OTUB2: variants seen among roughly 807,000 people sequenced by gnomAD.
OTUB2 encodes OTU deubiquitinase, ubiquitin aldehyde binding 2, also known as ubiquitin thioesterase OTUB2.
OTUB2 carries 21 observed loss-of-function variants against 25.1 expected under a neutral mutation model. The ratio of observed to expected loss-of-function variants is 0.84; its 90% CI spans 0.59 to 1.21. The LOEUF (loss-of-function observed/expected upper bound fraction) is 1.21, where lower values mean the gene tolerates loss of function less well. Among genes scored for constraint, OTUB2 ranks in the 50% most tolerant of loss-of-function variants. OTUB2 has a pLI of 0.00. For missense variants in OTUB2, 283 were observed against 298.0 expected (o/e 0.95, Z 0.37); for synonymous variants, 122 against 122.8 (o/e 0.99, Z 0.04).
chr14:94,031,268 G>A (rs890123690), intron 1 of OTUB2, among the ~76,000 whole-genome samples: 6 of 151,674 alleles, frequency 4.0e-5, no homozygotes, highest in Admixed American at 1.3e-4. Flanking sequence ...AGAAAACAAT[G>A]TTGAGCACTG....
intron 2 of OTUB2, 89 bp downstream of exon 2, chr14:94,037,564 T>C: frequency 1.2e-6 from 1 of 832,202 alleles, no homozygotes; most frequent in Non-Finnish European, 1.8e-6. Context: ...AGGCCGATAG[T>C]TTGGGCCAGG....
In OTUB2 at chr14:94,044,776, C is replaced by T. The variant is rs780917861; in HGVS notation, c.494C>T (p.Thr165Ile). 10 of 1,611,166 alleles carry T rather than the reference C, an allele frequency of 6.2e-6. 2 individuals carry two copies. The South Asian group carries it at 1.1e-4, about 18-fold the overall frequency. Residue 165 changes from threonine to isoleucine, a missense_variant, in exon 5 of 6, where the codon ACT becomes ATT. Transcript: ENST00000203664. ...DEEMDIKDFC[T>I]HEVEPMATEC... ...GAGATGGACATCAAAGACTTCTGCACTCACGTAGGTGCTTGGGGTCTCAGC... is the reference window on the plus strand; with the variant it reads ...GAGATGGACATCAAAGACTTCTGCATTCACGTAGGTGCTTGGGGTCTCAGC...
At position 94,046,705 on chromosome 14, in the gene OTUB2, C is replaced by A. The variant is rs187282727; in HGVS notation, c.*783C>A. ...TGGACCAGAATCTGTGTATTTCTGTCTGGGACCAGGAAGCCGCAGCTGTCC... is the reference window on the plus strand; with the variant it reads ...TGGACCAGAATCTGTGTATTTCTGTATGGGACCAGGAAGCCGCAGCTGTCC... On this transcript the variant is annotated 3_prime_UTR_variant, in exon 6 of 6. Transcript: ENST00000203664. 1 of 152,778 alleles carries A rather than the reference C, an allele frequency of 6.5e-6. No homozygotes were observed. Among genetic ancestry groups the A allele is most frequent in the Non-Finnish European group, 1.5e-5 (1 of 68,086 alleles). The allele number at this position is 152,778 out of a possible 1,614,324, so 9.5% of individuals were successfully genotyped here.
At chr14:94,045,516 C>T (rs558306062) in intron 5 of OTUB2, among the ~76,000 whole-genome samples, 200 bp from the exon 6 acceptor site, 3 of 152,136 alleles carry the variant, frequency 2.0e-5, no homozygotes, top group African/African-American at 7.2e-5. Flanking sequence ...GCAATTGTAG[C>T]GATTTCTAGC....
chr14:94,026,545 G>T lies in OTUB2; in HGVS notation c.3+5G>T. The T allele has an allele frequency of 8.0e-7, 1 of 1,247,846 alleles. No homozygotes were observed. 77.3% of individuals were successfully genotyped at this position (1,247,846 alleles called of 1,614,324 possible). A position where few individuals can be genotyped will look rare whatever the true frequency, so the allele number is the denominator to read the frequency against. Reference sequence around the variant, plus strand: ...CTGGCGGCTCTGGTCACTATGGTCAGTGATCGTGGGGGATCGCGAAGGGGG... The same window carrying T: ...CTGGCGGCTCTGGTCACTATGGTCATTGATCGTGGGGGATCGCGAAGGGGG... On this transcript the variant is annotated splice_donor_5th_base_variant and intron_variant, in intron 1 of 5. Coordinates refer to ENST00000203664, the MANE Select transcript of OTUB2 (RefSeq NM_023112.4).
At chr14:94,030,672 C>T (rs1884944141) in intron 1 of OTUB2, among the ~76,000 whole-genome samples, 2 of 152,120 alleles carry the variant, frequency 1.3e-5, no homozygotes, top group East Asian at 1.9e-4. Flanking sequence ...CAATGATGTC[C>T]ACGTCCTAAT....
intron 3 of OTUB2, among the ~76,000 whole-genome samples, chr14:94,040,220 C>T (rs1885133947): frequency 1.3e-5 from 2 of 152,188 alleles, no homozygotes; most frequent in African/African-American, 2.4e-5. Flanking sequence ...CCATCTGTTC[C>T]TTGGCTGAAC....
intron 1 of OTUB2, among the ~76,000 whole-genome samples, chr14:94,034,420 T>A (rs1885013394): frequency 6.6e-6 from 1 of 152,218 alleles, no homozygotes; most frequent in Admixed American, 6.5e-5. Context: ...GCAGCCTTGG[T>A]CCCTCAAGAC....
chr14:94,036,905 G>T (rs1477561984), intron 1 of OTUB2, among the ~76,000 whole-genome samples: 2 of 152,154 alleles, frequency 1.3e-5, no homozygotes, highest in Non-Finnish European at 2.9e-5. Context: ...TGAGCCTTGT[G>T]GGTGAGGGAG....
chr14:94,042,690 G>A (rs1446954817), intron 3 of OTUB2, among the ~76,000 whole-genome samples: 1 of 152,180 alleles, frequency 6.6e-6, no homozygotes, highest in African/African-American at 2.4e-5. Context: ...GATGAGGGTG[G>A]CTCCTGAGTG....
At chr14:94,040,433 C>T (rs1885139446) in intron 3 of OTUB2, among the ~76,000 whole-genome samples, 1 of 152,220 alleles carries the variant, frequency 6.6e-6, no homozygotes, top group Non-Finnish European at 1.5e-5. Flanking sequence ...GGCTCTGAGG[C>T]CAGACCTCAC....
intron 3 of OTUB2, among the ~76,000 whole-genome samples, chr14:94,042,699 T>C (rs1365912803): frequency 6.6e-6 from 1 of 152,012 alleles, no homozygotes; most frequent in Admixed American, 6.5e-5. Context: ...GGCTCCTGAG[T>C]GAGAGGCGTT....
intron 1 of OTUB2, among the ~76,000 whole-genome samples, chr14:94,033,451 C>T (rs1386016824): frequency 6.6e-6 from 1 of 152,166 alleles, no homozygotes; most frequent in Non-Finnish European, 1.5e-5. Flanking sequence ...TCCACTCCTC[C>T]ATTGATTACC....
In OTUB2 at chr14:94,046,343, A is replaced by T. The variant is rs564408365; in HGVS notation, c.*421A>T. ...GCTCAAGGTTAGCTGTCTTAACCCA[A>T]GTGACTTACCAGGCCTACAAAAGAG... is the stretch of plus-strand genomic sequence containing the variant. On this transcript the variant is annotated 3_prime_UTR_variant, in exon 6 of 6. Coordinates refer to ENST00000203664, the MANE Select transcript of OTUB2 (RefSeq NM_023112.4). The T allele has an allele frequency of 4.2e-6, 1 of 238,800 alleles. No individual in the cohort carries two copies. Among genetic ancestry groups the T allele is most frequent in the African/African-American group, 2.2e-5 (1 of 45,380 alleles). The allele number at this position is 238,800 out of a possible 1,614,324, so 14.8% of individuals were successfully genotyped here. A position where few individuals can be genotyped will look rare whatever the true frequency, so the allele number is the denominator to read the frequency against.
At chr14:94,034,430 C>T (rs1885013615) in intron 1 of OTUB2, among the ~76,000 whole-genome samples, 1 of 152,202 alleles carries the variant, frequency 6.6e-6, no homozygotes, top group Non-Finnish European at 1.5e-5. Flanking sequence ...TCCCTCAAGA[C>T]CTCTGTGCTC....
chr14:94,033,438 C>T (rs1455269628), intron 1 of OTUB2, among the ~76,000 whole-genome samples: 3 of 152,178 alleles, frequency 2.0e-5, no homozygotes, highest in Non-Finnish European at 2.9e-5. Flanking sequence ...TCCTTAAATC[C>T]ATTCCACTCC....
intron 1 of OTUB2, 39 bp downstream of exon 1, chr14:94,026,579 G>A (rs750148856): frequency 1.3e-5 from 16 of 1,233,766 alleles, no homozygotes; most frequent in Middle Eastern, 6.2e-4. Flanking sequence ...GGAGCGGGCA[G>A]GGGGCGCGGT....
chr14:94,034,393 A>G (rs538705350), intron 1 of OTUB2, among the ~76,000 whole-genome samples: 1 of 152,246 alleles, frequency 6.6e-6, no homozygotes, highest in African/African-American at 2.4e-5. Context: ...CCTGTGTGGA[A>G]TGTTCCTTTG....
chr14:94,030,210 A>G (rs1349328912), intron 1 of OTUB2, among the ~76,000 whole-genome samples: 1 of 152,092 alleles, frequency 6.6e-6, no homozygotes, highest in Non-Finnish European at 1.5e-5. Context: ...GTCCTTGGGC[A>G]GATGTTGGTG....
Sources: gnomAD v4.1 joint callset for allele counts (sites outside exome capture counted in the v4.1 genomes callset) on GRCh38, gnomAD v4.1.1 for gene constraint, MANE v1.5 for transcripts, NCBI Gene and HGNC (gene_info 2026-07-23, HGNC 2026-07-21) for gene names.